The following ADAM9 variants were observed in gnomAD, a reference collection of about 807,000 sequenced individuals.
The protein encoded by ADAM9 is ADAM metallopeptidase domain 9, also known as disintegrin and metalloproteinase domain-containing protein 9.
In ADAM9, 54 loss-of-function variants were observed where a neutral mutation model predicts 108.1. That is an observed-to-expected ratio of 0.50 (90% CI 0.40 to 0.63). ADAM9 has a LOEUF of 0.63. Ranked by LOEUF, ADAM9 falls within the 20% of genes least tolerant of loss-of-function variation. The pLI, the probability that ADAM9 is intolerant of heterozygous loss-of-function variation, is 0.00. For missense variants in ADAM9, 830 were observed against 997.7 expected (o/e 0.83, Z 2.26); for synonymous variants, 316 against 336.0 (o/e 0.94, Z 0.65).
intron 20 of ADAM9, among the ~76,000 whole-genome samples, chr8:39,095,941 G>A (rs1839489546): frequency 6.6e-6 from 1 of 151,854 alleles, no homozygotes; most frequent in South Asian, 2.1e-4. Context: ...TGCTATCCTT[G>A]TTCTCTTGGT....
In ADAM9 at chr8:39,007,895, A is replaced by T; in HGVS notation, c.107A>T (p.Gln36Leu). 1 of 1,610,986 alleles carries T rather than the reference A, an allele frequency of 6.2e-7. No individual in the cohort carries two copies. Among genetic ancestry groups the T allele is most frequent in the Non-Finnish European group, 8.5e-7 (1 of 1,178,098 alleles). Residue 36 changes from glutamine (Q) to leucine (L), a missense_variant, in exon 2 of 22, where the codon CAG (glutamine) becomes CTG (leucine). Transcript: ENST00000487273. The part of the protein sequence containing the change: ...VLGAARPGFQ[Q>L]TSHLSSYEII... Reference sequence around the variant, plus strand: ...TTTGCCTTTTCTGTAGGCTTTCAACAGACCTCACATCTTTCTTCTTATGAA... The same window carrying T: ...TTTGCCTTTTCTGTAGGCTTTCAACTGACCTCACATCTTTCTTCTTATGAA...
intron 4 of ADAM9, chr8:39,014,586 T>C (rs1371318515): frequency 1.4e-6 from 1 of 702,576 alleles, no homozygotes; most frequent in Non-Finnish European, 2.6e-6. Context: ...AATTTGGCTT[T>C]CTGTGTTTAT....
chr8:39,069,724 C>T (rs1390298598), intron 14 of ADAM9, among the ~76,000 whole-genome samples: 2 of 151,990 alleles, frequency 1.3e-5, no homozygotes, highest in Admixed American at 1.3e-4. Context: ...AGGAAAATAA[C>T]TTACATTGGT....
intron 1 of ADAM9, among the ~76,000 whole-genome samples, chr8:38,998,264 A>G (rs182137515): frequency 6.6e-6 from 1 of 152,356 alleles, no homozygotes; most frequent in East Asian, 1.9e-4. Context: ...TGAAACTCTG[A>G]CAATGTTTTG....
rs1564301050 is a variant in ADAM9 at position 39,045,375 on chromosome 8, T to TATAGGTGTGTGTACAC, written c.1302+3259_1302+3260insTAGGTGTGTGTACACA. ...GTACATACATATAGGTGTGTGTACA[T>TATAGGTGTGTGTACAC]ACACCTATAGGTGTGTGTACACACA... On this transcript the variant is annotated intron_variant, in intron 12 of 21. Coordinates refer to ENST00000487273, the MANE Select transcript of ADAM9 (RefSeq NM_003816.3). Among the ~76,000 whole-genome samples, 82 of 17,330 alleles carry TATAGGTGTGTGTACAC rather than the reference T, an allele frequency of 4.7e-3. 4 individuals are homozygous for TATAGGTGTGTGTACAC. Among genetic ancestry groups the TATAGGTGTGTGTACAC allele is most frequent in the Non-Finnish European group, 6.7e-3 (61 of 9,146 alleles). 11.4% of individuals were successfully genotyped at this position (17,330 alleles called of 152,430 possible).
At position 39,023,242 on chromosome 8, in the gene ADAM9, T is replaced by C; in HGVS notation, c.831T>C (p.Ala277=). 1 of 1,613,848 alleles carries C rather than the reference T, an allele frequency of 6.2e-7. No individual in the cohort carries two copies. Among genetic ancestry groups the C allele is most frequent in the South Asian group, 1.1e-5 (1 of 91,046 alleles). Residue 277 remains alanine (A), a synonymous_variant, in exon 9 of 22, where the codon GCT becomes GCC. Transcript: ENST00000487273. ...NGNLINIVGG[A]GDVLGNFVQW... ...ACCTGATCAACATAGTTGGGGGTGCTGGTGATGTGCTGGGGAACTTCGTGC... is the reference window on the plus strand; with the variant it reads ...ACCTGATCAACATAGTTGGGGGTGCCGGTGATGTGCTGGGGAACTTCGTGC...
intron 14 of ADAM9, among the ~76,000 whole-genome samples, chr8:39,060,770 A>G (rs1838274768): frequency 6.6e-6 from 1 of 152,250 alleles, no homozygotes; most frequent in East Asian, 1.9e-4. Flanking sequence ...AAGGTAATCA[A>G]GATCCCCAAA....
At chr8:39,086,610 A>G (rs1223167377) in intron 18 of ADAM9, among the ~76,000 whole-genome samples, 1 of 152,054 alleles carries the variant, frequency 6.6e-6, no homozygotes, top group East Asian at 1.9e-4. Flanking sequence ...GTAATTTCTC[A>G]GTTTTGATAT....
rs1564297470 is a variant in ADAM9 at position 39,045,108 on chromosome 8, ACATACATATGTGTGTGTG to A, written c.1302+3000_1302+3017del. Among the ~76,000 whole-genome samples the A allele has an allele frequency of 4.7e-4, 8 of 16,984 alleles. 1 individual carries two copies. Among genetic ancestry groups the A allele is most frequent in the African/African-American group, 2.5e-3 (7 of 2,806 alleles). The allele number at this position is 16,984 out of a possible 152,430, so 11.1% of individuals were successfully genotyped here. On this transcript the variant is annotated intron_variant, in intron 12 of 21. Coordinates refer to ENST00000487273, the MANE Select transcript of ADAM9 (RefSeq NM_003816.3). ...CATACATACATATGTGTGTGTGCAT[ACATACATATGTGTGTGTG>A]CATACATACATATATGTGTATATAT...
At chr8:39,084,465 A>C (rs970459300) in intron 18 of ADAM9, among the ~76,000 whole-genome samples, 6 of 150,514 alleles carry the variant, frequency 4.0e-5, no homozygotes, top group African/African-American at 1.5e-4. Context: ...TCTTTGACTT[A>C]CAGGTTATTT....
rs887265405 is a variant in ADAM9 at position 39,006,423 on chromosome 8, A to G, written c.98-1463A>G. Among the ~76,000 whole-genome samples, 9 of 151,744 alleles carry G rather than the reference A, an allele frequency of 5.9e-5. No homozygotes were observed. In the South Asian group the frequency reaches 1.9e-3, roughly 32 times the overall value. Reference sequence around the variant, plus strand: ...ACAATGTTATCTTGGAAAAAGTTAGATGTAAATAATTCATCTTAATCTATA... The same window carrying G: ...ACAATGTTATCTTGGAAAAAGTTAGGTGTAAATAATTCATCTTAATCTATA... On this transcript the variant is annotated intron_variant, in intron 1 of 21. Transcript: ENST00000487273.
At chr8:39,053,955 G>A (rs1029850342) in intron 12 of ADAM9, among the ~76,000 whole-genome samples, 4 of 152,126 alleles carry the variant, frequency 2.6e-5, no homozygotes, top group Non-Finnish European at 4.4e-5. Flanking sequence ...GGGCCTTTAA[G>A]GAAGTAATTA....
At chr8:39,096,652 G>T (rs909219872) in intron 20 of ADAM9, among the ~76,000 whole-genome samples, 9 of 152,056 alleles carry the variant, frequency 5.9e-5, no homozygotes, top group African/African-American at 2.2e-4. Context: ...ATATGGTTTT[G>T]TGTTGCTATT....
At position 39,071,281 on chromosome 8, in the gene ADAM9, A is replaced by G; in HGVS notation, c.1592-17A>G. 6.2e-7 allele frequency: 1 copy of G among 1,610,820 alleles called. No individual in the cohort carries two copies. Among genetic ancestry groups the G allele is most frequent in the Non-Finnish European group, 8.5e-7 (1 of 1,177,734 alleles). ...CCATAACTTTTTTTTTCTTTTTTTA[A>G]ATGTTTAATGTTACAGAAGCCAAGG... On this transcript the variant is annotated splice_polypyrimidine_tract_variant and intron_variant, in intron 14 of 21. Transcript: ENST00000487273.
At chr8:39,026,552 T>C in intron 10 of ADAM9, 125 bp from the exon 11 acceptor site, 1 of 1,210,178 alleles carries the variant, frequency 8.3e-7, no homozygotes, top group Non-Finnish European at 1.2e-6. Flanking sequence ...TGTTGGATGC[T>C]TGATTTATCA....
chr8:39,025,432 C>G (rs1212921317), intron 9 of ADAM9, among the ~76,000 whole-genome samples: 1 of 152,176 alleles, frequency 6.6e-6, no homozygotes, highest in African/African-American at 2.4e-5. Context: ...GCTCACTGCC[C>G]TGCAGCTGCC....
At chr8:39,028,324 A>C (rs1379799677) in intron 11 of ADAM9, among the ~76,000 whole-genome samples, 5 of 152,186 alleles carry the variant, frequency 3.3e-5, no homozygotes, top group African/African-American at 1.2e-4. Context: ...AAAAATAGAT[A>C]TGGAAGAGTT....
At chr8:39,067,221 A>T (rs1335139032) in intron 14 of ADAM9, among the ~76,000 whole-genome samples, 1 of 152,106 alleles carries the variant, frequency 6.6e-6, no homozygotes, top group African/African-American at 2.4e-5. Flanking sequence ...CTTAGGATTG[A>T]CTTGGCAATG....
At chr8:39,053,072 T>C (rs1340695466) in intron 12 of ADAM9, among the ~76,000 whole-genome samples, 1 of 152,190 alleles carries the variant, frequency 6.6e-6, no homozygotes, top group Non-Finnish European at 1.5e-5. Flanking sequence ...AATTTGCATT[T>C]CCTTAGTAAC....
Sources: allele counts gnomAD v4.1 joint callset (sites outside exome capture counted in the v4.1 genomes callset), GRCh38; gene constraint gnomAD v4.1.1; transcripts MANE v1.5; gene names NCBI Gene and HGNC (gene_info 2026-07-23, HGNC 2026-07-21).